KIAA1217: variants seen among roughly 807,000 people sequenced by gnomAD.
KIAA1217 encodes KIAA1217, also known as sickle tail protein homolog.
Under a neutral mutation model 163.9 loss-of-function variants are expected in KIAA1217, and 88 were observed. The observed-to-expected ratio is 0.54, with a 90% CI of 0.45 to 0.64. The LOEUF (loss-of-function observed/expected upper bound fraction) is 0.64. Ranked by LOEUF, KIAA1217 falls within the 30% of genes least tolerant of loss-of-function variation. The probability of loss-of-function intolerance (pLI) is 0.00; values close to 1 mark genes in which losing one functional copy is unlikely to be tolerated. For missense variants in KIAA1217, 2,372 were observed against 2,475.0 expected (o/e 0.96, Z 0.88); for synonymous variants, 903 against 923.1 (o/e 0.98, Z 0.39).
In KIAA1217 at chr10:24,384,052, G is replaced by A. The variant is rs564498256; in HGVS notation, c.553+2985G>A. ...CCGGCCATGAGCAGGGTGTCTACCA[G>A]CACCTGGGTGGCCCAGAAGCACAGC... is the stretch of plus-strand genomic sequence containing the variant. On this transcript the variant is annotated intron_variant, in intron 3 of 20. Coordinates refer to ENST00000376454, the MANE Select transcript of KIAA1217 (RefSeq NM_019590.5). 4.6e-5 allele frequency among the ~76,000 whole-genome samples: 7 copies of A among 152,294 alleles called. No individual in the cohort carries two copies. In the East Asian group the frequency reaches 1.2e-3, roughly 25 times the overall value.
intron 2 of KIAA1217, among the ~76,000 whole-genome samples, chr10:24,199,224 C>T (rs2067134432): frequency 6.6e-6 from 1 of 151,998 alleles, no homozygotes. Flanking sequence ...AGAGAAAGAC[C>T]CTTTCTCAAA....
At chr10:23,846,566 AT>A (rs1267877630) in intron 1 of KIAA1217, among the ~76,000 whole-genome samples, 4 of 151,826 alleles carry the variant, frequency 2.6e-5, no homozygotes, top group African/African-American at 9.7e-5. Context: ...AATGCATGTG[AT>A]TTTTGCACAT....
intron 2 of KIAA1217, among the ~76,000 whole-genome samples, chr10:24,153,546 G>A (rs931234509): frequency 7.9e-5 from 12 of 152,240 alleles, no homozygotes; most frequent in Admixed American, 5.9e-4. Flanking sequence ...ATAGAGAGCC[G>A]GAGACCGAGC....
intron 1 of KIAA1217, among the ~76,000 whole-genome samples, chr10:23,937,805 A>G (rs1589112593): frequency 6.6e-6 from 1 of 152,216 alleles, no homozygotes; most frequent in African/African-American, 2.4e-5. Context: ...ATTTTCAGAC[A>G]TTGGGGAGCA....
At chr10:24,190,213 G>A (rs1241725235) in intron 2 of KIAA1217, among the ~76,000 whole-genome samples, 1 of 152,084 alleles carries the variant, frequency 6.6e-6, no homozygotes, top group Non-Finnish European at 1.5e-5. Context: ...TTTCAGGGGA[G>A]GTTGGTCAGA....
At chr10:23,954,559 T>C (rs1171862164) in intron 1 of KIAA1217, among the ~76,000 whole-genome samples, 1 of 149,406 alleles carries the variant, frequency 6.7e-6, no homozygotes, top group East Asian at 2.0e-4. Context: ...AAAGAGATTC[T>C]GTCTCAAAAA....
At chr10:23,842,074 G>T (rs922107278) in intron 1 of KIAA1217, among the ~76,000 whole-genome samples, 9 of 151,898 alleles carry the variant, frequency 5.9e-5, no homozygotes, top group Non-Finnish European at 8.8e-5. Context: ...TGCCATGTTG[G>T]CCAGGCTGGT....
chr10:24,511,064 C>A (rs1009360008), intron 9 of KIAA1217, among the ~76,000 whole-genome samples: 1 of 144,692 alleles, frequency 6.9e-6, no homozygotes, highest in Non-Finnish European at 1.5e-5. Context: ...GGTGCAAAGG[C>A]CTGGCAAATA....
At chr10:24,224,995 A>T (rs569360362) in intron 2 of KIAA1217, among the ~76,000 whole-genome samples, 1,987 of 151,316 alleles carry the variant, frequency 0.013, 46 homozygotes, top group Non-Finnish European at 0.015. Context: ...CCTAGCTAAT[A>T]TTTTGTATTT....
intron 2 of KIAA1217, among the ~76,000 whole-genome samples, chr10:24,082,544 C>T (rs2061572362): frequency 6.6e-6 from 1 of 152,160 alleles, no homozygotes; most frequent in South Asian, 2.1e-4. Flanking sequence ...TGGCTTCCAG[C>T]TTCATCTGTG....
chr10:24,423,653 T>G (rs2058942471), intron 3 of KIAA1217, among the ~76,000 whole-genome samples: 2 of 152,054 alleles, frequency 1.3e-5, no homozygotes, highest in Non-Finnish European at 2.9e-5. Context: ...AGAGTCGAGG[T>G]TTCACCATGT....
At chr10:24,370,095 C>T (rs1286005301) in intron 2 of KIAA1217, among the ~76,000 whole-genome samples, 1 of 151,970 alleles carries the variant, frequency 6.6e-6, no homozygotes, top group Non-Finnish European at 1.5e-5. Context: ...GAAACCCCAT[C>T]TCTACTACAA....
upstream of KIAA1217, among the ~76,000 whole-genome samples, chr10:24,205,062 A>G (rs115291542): frequency 5.9e-3 from 905 of 152,312 alleles, 7 homozygotes; most frequent in African/African-American, 0.02. Context: ...ATTTTCAACT[A>G]TCTGGTTCTT....
intron 1 of KIAA1217, among the ~76,000 whole-genome samples, chr10:23,895,503 G>A (rs898716239): frequency 1.4e-4 from 21 of 152,278 alleles, no homozygotes; most frequent in African/African-American, 5.1e-4. Flanking sequence ...ACAGGTACTG[G>A]AGAGGATGTG....
In KIAA1217 at chr10:24,083,554, GC is replaced by G. The variant is rs565685050; in HGVS notation, c.-171+76181del. Among the ~76,000 whole-genome samples, 6 of 152,228 alleles carry G rather than the reference GC, an allele frequency of 3.9e-5. No homozygotes were observed. The South Asian group carries it at 1.2e-3, about 32-fold the overall frequency. ...CATATATACACATACATATATGCTG[GC>G]AAAGAATTAATTTCCACATTCTTAT... On this transcript the variant is annotated intron_variant, in intron 2 of 18. Coordinates refer to the KIAA1217 transcript ENST00000376462.
At chr10:23,844,478 G>A (rs532197610) in intron 1 of KIAA1217, among the ~76,000 whole-genome samples, 10 of 152,250 alleles carry the variant, frequency 6.6e-5, no homozygotes, top group African/African-American at 2.4e-4. Context: ...CATGACCTGT[G>A]TTGTCATATT....
At chr10:24,105,797 C>A (rs866749687) in intron 2 of KIAA1217, among the ~76,000 whole-genome samples, 2 of 152,192 alleles carry the variant, frequency 1.3e-5, no homozygotes, top group African/African-American at 2.4e-5. Context: ...ATGGGGCTTT[C>A]GGCCTAGAAT....
rs766060944 is a variant in KIAA1217 at position 24,528,062 on chromosome 10, C to G, written c.3025C>G (p.Pro1009Ala). Residue 1009 changes from proline to alanine, a missense_variant, in exon 14 of 21, where the codon CCA (proline) becomes GCA (alanine). By Grantham distance (27) the Pro-to-Ala change is conservative (BLOSUM62 -1). This residue lies in a region of KIAA1217 where 1,431 missense variants were observed against 1,470.3 expected (regional missense o/e 0.97). Transcript: ENST00000376454. The part of the protein sequence containing the change: ...MKSIPNLEMP[P>A]ATGPLPRGDA... The stretch of plus-strand genomic sequence containing the variant: ...GTCAATACCAAATCTGGAGATGCCG[C>G]CAGCCACAGGCCCACTGCCAAGGGG... 2 of 1,614,124 alleles carry G rather than the reference C, an allele frequency of 1.2e-6. No homozygotes were observed. The highest frequency in any genetic ancestry group is 1.7e-6 in the Non-Finnish European group (2 of 1,179,992).
chr10:24,004,366 A>T (rs1589221922), intron 1 of KIAA1217, among the ~76,000 whole-genome samples: 1 of 152,016 alleles, frequency 6.6e-6, no homozygotes, highest in East Asian at 1.9e-4. Context: ...AAACCCACAG[A>T]CTGATCACAA....
Sources: allele counts gnomAD v4.1 joint callset (sites outside exome capture counted in the v4.1 genomes callset), GRCh38; gene constraint gnomAD v4.1.1; regional missense constraint gnomAD v4.1.1; transcripts MANE v1.5; gene names NCBI Gene and HGNC (gene_info 2026-07-23, HGNC 2026-07-21).